The following WNT9A variants were observed in gnomAD, a reference collection of about 807,000 sequenced individuals.
The protein encoded by WNT9A is Wnt family member 9A.
A neutral mutation model predicts 31.4 loss-of-function variants in WNT9A; 8 were observed. That is an observed-to-expected ratio of 0.26 (90% CI 0.15 to 0.46). WNT9A has a LOEUF of 0.46. Ranked by LOEUF, WNT9A falls within the 20% of genes least tolerant of loss-of-function variation. The pLI, the probability that WNT9A is intolerant of heterozygous loss-of-function variation, is 0.99. For synonymous variants in WNT9A, 236 were observed against 220.1 expected, an observed-to-expected ratio of 1.07 and a Z score of -0.64; for missense variants, 457 against 522.9, an observed-to-expected ratio of 0.87 and a Z score of 1.23.
chr1:227,946,115 G>C (rs991039089), intron 1 of WNT9A, among the ~76,000 whole-genome samples: 118 of 152,312 alleles, frequency 7.7e-4, no homozygotes, highest in Non-Finnish European at 1.1e-3. Context: ...AGGGGGCCTG[G>C]CCAGAGAAGC....
At position 227,924,255 on chromosome 1, in the gene WNT9A, C is replaced by G. The variant is rs148336738; in HGVS notation, c.498G>C (p.Gly166=). 2 of 1,613,766 alleles carry G rather than the reference C, an allele frequency of 1.2e-6. No homozygotes were observed. The highest frequency in any genetic ancestry group is 1.3e-5 in the African/African-American group (1 of 74,926). Residue 166 remains glycine, a synonymous_variant, in exon 3 of 4, where the codon GGG becomes GGC. Transcript: ENST00000272164. ...DLENREAWQW[G]GCGDNLKYSS... is the part of the protein sequence containing the mutation. Reference sequence around the variant, plus strand: ...TGTACTTAAGGTTGTCTCCGCAGCCCCCCCACTGCCAGGCCTCACGGTTCT... The same window carrying G: ...TGTACTTAAGGTTGTCTCCGCAGCCGCCCCACTGCCAGGCCTCACGGTTCT...
At chr1:227,924,610 G>A (rs909197875) in intron 2 of WNT9A, among the ~76,000 whole-genome samples, 5 of 152,072 alleles carry the variant, frequency 3.3e-5, no homozygotes, top group African/African-American at 7.2e-5. Flanking sequence ...TGGCTGGGGG[G>A]AGAAACCAGA....
rs912556643 is a variant in WNT9A at position 227,926,761 on chromosome 1, G to A, written c.96-1242C>T. Among the ~76,000 whole-genome samples, 13 of 151,858 alleles carry A rather than the reference G, an allele frequency of 8.6e-5. No homozygotes were observed. Among genetic ancestry groups the A allele is most frequent in the African/African-American group, 1.2e-4 (5 of 41,350 alleles). On this transcript the variant is annotated intron_variant, in intron 1 of 3. Coordinates refer to ENST00000272164, the MANE Select transcript of WNT9A (RefSeq NM_003395.4). This position sits in a 1 kb window ranked among gnomAD's most constrained non-coding sequence, Gnocchi z 5.0. ...GACTCAGGATGTGCTGGGAGCCACC[G>A]GGGTGCCAGCTTGGGAAGGCTCCCC...
Position 227,925,239 on chromosome 1 carries a change from G to C in WNT9A, c.352+24C>G. On this transcript the variant is annotated intron_variant, in intron 2 of 3. Coordinates refer to ENST00000272164, the MANE Select transcript of WNT9A (RefSeq NM_003395.4). This position sits in a 1 kb window ranked among gnomAD's most constrained non-coding sequence, Gnocchi z 6.0. ...GCTGCCACCTGTCTGGGGCCTTCCTGAGGGCCAGGCCGGCCACACTCACCT... is the reference window on the plus strand; with the variant it reads ...GCTGCCACCTGTCTGGGGCCTTCCTCAGGGCCAGGCCGGCCACACTCACCT... 1.3e-6 allele frequency: 2 copies of C among 1,517,064 alleles called. No homozygotes were observed. The highest frequency in any genetic ancestry group is 1.8e-6 in the Non-Finnish European group (2 of 1,129,476). 94.0% of individuals were successfully genotyped at this position (1,517,064 alleles called of 1,614,324 possible).
chr1:227,947,643 G>T, intron 1 of WNT9A, 150 bp downstream of exon 1: 1 of 281,678 alleles, frequency 3.6e-6, no homozygotes, highest in South Asian at 1.3e-4. Context: ...GGAGCGACGC[G>T]CGCGCCGCAA....
intron 1 of WNT9A, among the ~76,000 whole-genome samples, chr1:227,934,968 TTCA>T (rs2102725401): frequency 6.6e-6 from 1 of 150,692 alleles, no homozygotes; most frequent in East Asian, 2.0e-4. Context: ...ACAGCCCCAG[TTCA>T]CCACATAGAG....
chr1:227,947,763 C>G, intron 1 of WNT9A, 30 bp downstream of exon 1: 1 of 1,066,094 alleles, frequency 9.4e-7, no homozygotes, highest in South Asian at 4.2e-5. Flanking sequence ...CCCCGCCCAC[C>G]AGTGCGCGCC....
intron 3 of WNT9A, 47 bp downstream of exon 3, chr1:227,924,091 C>T (rs1487932023): frequency 9.3e-7 from 1 of 1,076,716 alleles, no homozygotes; most frequent in East Asian, 3.2e-5. Context: ...CCCCCTGACG[C>T]TCTTTCTGAC....
rs1666321156 is a variant in WNT9A at position 227,921,816 on chromosome 1, A to C, written c.800T>G (p.Ile267Ser). Reference sequence around the variant, plus strand: ...CGAGGCACGGCCCCGTGGTGGGGAGATGGCACCTGCCTCGCCGGCAGCTTC... The same window carrying C: ...CGAGGCACGGCCCCGTGGTGGGGAGCTGGCACCTGCCTCGCCGGCAGCTTC... ...TNEAAGEAGA[I>S]SPPRGRASGA... The change falls in exon 4 of 4, where the codon ATC (isoleucine) becomes AGC (serine). Residue 267 changes from isoleucine to serine, a missense_variant. Transcript: ENST00000272164. 1 of 1,612,774 alleles carries C rather than the reference A, an allele frequency of 6.2e-7. No individual in the cohort carries two copies. Among genetic ancestry groups the C allele is most frequent in the Non-Finnish European group, 8.5e-7 (1 of 1,179,864 alleles).
intron 1 of WNT9A, among the ~76,000 whole-genome samples, chr1:227,947,473 C>A (rs539688127): frequency 1.7e-3 from 260 of 152,232 alleles, no homozygotes; most frequent in African/African-American, 5.8e-3. Context: ...AAGGACACGG[C>A]GGCCCAAGGA....
intron 1 of WNT9A, among the ~76,000 whole-genome samples, chr1:227,937,120 T>C (rs1238727659): frequency 1.3e-5 from 2 of 152,246 alleles, no homozygotes; most frequent in African/African-American, 2.4e-5. Context: ...AGGCCTTACT[T>C]ACTTTTCTCC....
Position 227,921,596 on chromosome 1 carries a change from C to A in WNT9A, c.1020G>T (p.Gln340His). 6.2e-7 allele frequency: 1 copy of A among 1,613,546 alleles called. No individual in the cohort carries two copies. Among genetic ancestry groups the A allele is most frequent in the African/African-American group, 1.3e-5 (1 of 75,050 alleles). The stretch of plus-strand genomic sequence containing the variant: ...CATAGCAGCACCAACGCACCTGGCA[C>A]TGGCAGGGCCTTGTCACCACCCGGC... ...TQSRVVTRPCQCQVRWCCYVE... is the reference protein window; with the variant it reads ...TQSRVVTRPCHCQVRWCCYVE... The change falls in exon 4 of 4, where the codon CAG becomes CAT. Residue 340 changes from glutamine to histidine, a missense_variant. Coordinates refer to ENST00000272164, the MANE Select transcript of WNT9A (RefSeq NM_003395.4).
chr1:227,925,644 TC>T lies in WNT9A; in HGVS notation c.96-126del. On this transcript the variant is annotated intron_variant, in intron 1 of 3. Transcript: ENST00000272164. The surrounding 1 kb of genome is among the most constrained non-coding windows in gnomAD (Gnocchi z 6.0). ...TCCGGGGGTGAGGGGGCAGAAAGAA[TC>T]CAGGATGAGCCAGGCAGGGGAGAGG... is the stretch of plus-strand genomic sequence containing the variant. 1 of 1,368,416 alleles carries T rather than the reference TC, an allele frequency of 7.3e-7. No individual in the cohort carries two copies. Among genetic ancestry groups the T allele is most frequent in the East Asian group, 2.6e-5 (1 of 37,966 alleles). The allele number at this position is 1,368,416 out of a possible 1,614,324, so 84.8% of individuals were successfully genotyped here. A position where few individuals can be genotyped will look rare whatever the true frequency, so the allele number is the denominator to read the frequency against.
chr1:227,929,537 T>C (rs567295983), intron 1 of WNT9A, among the ~76,000 whole-genome samples: 4 of 152,310 alleles, frequency 2.6e-5, no homozygotes, highest in South Asian at 2.1e-4. Context: ...AGGATTAGTG[T>C]CCTTACGGAC....
At chr1:227,922,906 A>C (rs1049546337) in intron 3 of WNT9A, among the ~76,000 whole-genome samples, 2 of 152,146 alleles carry the variant, frequency 1.3e-5, no homozygotes, top group Non-Finnish European at 1.5e-5. Context: ...CGGCAACCGA[A>C]GAGTCACATT....
At chr1:227,940,363 C>T (rs1380403645) in intron 1 of WNT9A, among the ~76,000 whole-genome samples, 1 of 152,158 alleles carries the variant, frequency 6.6e-6, no homozygotes, top group Non-Finnish European at 1.5e-5. Flanking sequence ...CCACAGCCCC[C>T]CATGGCCTTC....
intron 1 of WNT9A, among the ~76,000 whole-genome samples, chr1:227,927,731 C>T (rs1019689017): frequency 2.0e-5 from 3 of 152,070 alleles, no homozygotes; most frequent in African/African-American, 2.4e-5. Context: ...CTCAGGAAGA[C>T]GACAGCCTCC....
intron 1 of WNT9A, among the ~76,000 whole-genome samples, chr1:227,945,081 C>T (rs1216886530): frequency 2.0e-5 from 3 of 152,212 alleles, no homozygotes; most frequent in Admixed American, 6.5e-5. Context: ...GCGTCTAATC[C>T]GGATCTACCA....
In WNT9A at chr1:227,928,124, G is replaced by A. The variant is rs1209287155; in HGVS notation, c.96-2605C>T. ...GTCAGTGTGAGGCCCGAGCACGCCG[G>A]GGCACTGAGAGCTGGTTTGACGGTG... On this transcript the variant is annotated intron_variant, in intron 1 of 3. Coordinates refer to ENST00000272164, the MANE Select transcript of WNT9A (RefSeq NM_003395.4). This position sits in a 1 kb window ranked among gnomAD's most constrained non-coding sequence, Gnocchi z 4.5. Among the ~76,000 whole-genome samples the A allele has an allele frequency of 6.6e-6, 1 of 152,084 alleles. No homozygotes were observed. The highest frequency in any genetic ancestry group is 1.5e-5 in the Non-Finnish European group (1 of 68,004).
Sources: allele counts gnomAD v4.1 joint callset (sites outside exome capture counted in the v4.1 genomes callset), GRCh38; gene constraint gnomAD v4.1.1; non-coding constraint Gnocchi (gnomAD v3.1); transcripts MANE v1.5; gene names NCBI Gene and HGNC (gene_info 2026-07-23, HGNC 2026-07-21).